ERC2: variants seen among roughly 807,000 people sequenced by gnomAD.
ERC2 encodes the protein ELKS/RAB6-interacting/CAST family member 2, also known as ERC protein 2.
In ERC2, 42 loss-of-function variants were observed where a neutral mutation model predicts 114.8. The ratio of observed to expected loss-of-function variants is 0.37; its 90% CI spans 0.29 to 0.47. The LOEUF (loss-of-function observed/expected upper bound fraction) is 0.47. Ranked by LOEUF, ERC2 falls within the 20% of genes least tolerant of loss-of-function variation. The pLI is 0.99. For missense variants in ERC2, 939 were observed against 1,150.7 expected (o/e 0.82, Z 2.66); for synonymous variants, 454 against 425.5 (o/e 1.07, Z -0.82).
At chr3:55,711,515 T>C (rs2063777323) in intron 15 of ERC2, among the ~76,000 whole-genome samples, 1 of 152,226 alleles carries the variant, frequency 6.6e-6, no homozygotes, top group Non-Finnish European at 1.5e-5. Flanking sequence ...TCATCATTAA[T>C]GGTTGCATGT....
chr3:55,772,415 T>G (rs78088283), intron 14 of ERC2, among the ~76,000 whole-genome samples: 1 of 151,540 alleles, frequency 6.6e-6, no homozygotes, highest in Non-Finnish European at 1.5e-5. Context: ...CCCGGGTTCA[T>G]GCCATTCTCC....
chr3:55,550,388 A>G (rs183145483), intron 17 of ERC2, among the ~76,000 whole-genome samples: 16 of 152,312 alleles, frequency 1.1e-4, no homozygotes, highest in Admixed American at 9.2e-4. Flanking sequence ...GCTTGAGGGC[A>G]GGGCAATCAG....
At chr3:56,440,425 G>A (rs1209683145) in intron 1 of ERC2, among the ~76,000 whole-genome samples, 4 of 152,036 alleles carry the variant, frequency 2.6e-5, no homozygotes, top group Non-Finnish European at 5.9e-5. Flanking sequence ...GTGGGCGCAT[G>A]TAGTCCCAGC....
intron 2 of ERC2, among the ~76,000 whole-genome samples, chr3:56,413,605 A>G (rs2061027983): frequency 6.6e-6 from 1 of 152,178 alleles, no homozygotes; most frequent in African/African-American, 2.4e-5. Context: ...TGGGGAGAGG[A>G]AAAAGAACAG....
chr3:56,430,847 A>T (rs1178012344), intron 2 of ERC2, among the ~76,000 whole-genome samples: 1 of 152,040 alleles, frequency 6.6e-6, no homozygotes, highest in East Asian at 1.9e-4. Flanking sequence ...AAAACTAGTC[A>T]TTTTTTCATC....
intron 14 of ERC2, among the ~76,000 whole-genome samples, chr3:55,884,030 A>T (rs1246874821): frequency 6.6e-6 from 1 of 152,228 alleles, no homozygotes; most frequent in African/African-American, 2.4e-5. Flanking sequence ...TCCTCATGTG[A>T]TGTTGTACTT....
Position 56,093,894 on chromosome 3 carries a change from G to A in ERC2, c.1474-12910C>T, listed in dbSNP as rs189833195. On this transcript the variant is annotated intron_variant, in intron 6 of 17. Transcript: ENST00000288221. ...AGTATTTGTTCTTTGAAACTTTTCTGAGTGTTGTGCAAAAGTTAAGTAGGG... is the reference window on the plus strand; with the variant it reads ...AGTATTTGTTCTTTGAAACTTTTCTAAGTGTTGTGCAAAAGTTAAGTAGGG... 7.9e-5 allele frequency among the ~76,000 whole-genome samples: 12 copies of A among 152,260 alleles called. No homozygotes were observed. The East Asian group carries it at 1.7e-3, about 22-fold the overall frequency.
chr3:55,729,235 C>G (rs1380603740), intron 15 of ERC2, among the ~76,000 whole-genome samples: 6 of 152,216 alleles, frequency 3.9e-5, no homozygotes, highest in African/African-American at 7.2e-5. Flanking sequence ...CTTGCTCACT[C>G]TACGCCAGCC....
At chr3:55,578,640 T>A (rs1375227480) in intron 17 of ERC2, among the ~76,000 whole-genome samples, 1 of 152,230 alleles carries the variant, frequency 6.6e-6, no homozygotes, top group Admixed American at 6.5e-5. Flanking sequence ...GTGTAACAAA[T>A]CACCTCAAAT....
intron 3 of ERC2, among the ~76,000 whole-genome samples, chr3:56,213,178 G>A (rs143947005): frequency 5.3e-5 from 8 of 152,268 alleles, no homozygotes; most frequent in African/African-American, 1.2e-4. Flanking sequence ...GCAGGACAGT[G>A]GGTGCGGTGC....
intron 17 of ERC2, among the ~76,000 whole-genome samples, chr3:55,531,219 G>C (rs1216705482): frequency 1.3e-5 from 2 of 152,108 alleles, no homozygotes; most frequent in East Asian, 3.9e-4. Flanking sequence ...TTGACTTGCT[G>C]GCTAGGATGT....
At chr3:56,219,597 G>C (rs958091829) in intron 3 of ERC2, among the ~76,000 whole-genome samples, 2 of 149,350 alleles carry the variant, frequency 1.3e-5, no homozygotes, top group African/African-American at 2.5e-5. Context: ...GAAAAAGAGA[G>C]TACTGAGAGG....
intron 2 of ERC2, among the ~76,000 whole-genome samples, chr3:56,317,646 A>G (rs2034625): frequency 0.089 from 13,591 of 152,270 alleles, 1,048 homozygotes; most frequent in African/African-American, 0.2. Context: ...CTCAAAAAAT[A>G]TTTATTGAAC....
chr3:56,383,401 C>T (rs2059824011), intron 2 of ERC2, among the ~76,000 whole-genome samples: 1 of 152,202 alleles, frequency 6.6e-6, no homozygotes, highest in African/African-American at 2.4e-5. Flanking sequence ...CACCATCTCA[C>T]ATCCCACATA....
chr3:56,316,799 A>T (rs2056884320), intron 2 of ERC2, among the ~76,000 whole-genome samples: 1 of 152,166 alleles, frequency 6.6e-6, no homozygotes, highest in African/African-American at 2.4e-5. Flanking sequence ...TTTCAAAAAG[A>T]AACATTTTTA....
intron 17 of ERC2, among the ~76,000 whole-genome samples, chr3:55,583,389 T>C (rs1161346768): frequency 7.8e-6 from 1 of 128,266 alleles, no homozygotes; most frequent in African/African-American, 4.2e-5. Context: ...CTTCTTTCTT[T>C]CCTTCCTTCT....
chr3:55,970,149 C>T (rs900904032), intron 12 of ERC2, among the ~76,000 whole-genome samples: 4 of 151,998 alleles, frequency 2.6e-5, no homozygotes, highest in African/African-American at 7.2e-5. Context: ...CCTCATTGAA[C>T]CATCAAAAAA....
intron 1 of ERC2, among the ~76,000 whole-genome samples, chr3:56,458,984 T>G (rs1206945693): frequency 6.6e-6 from 1 of 152,084 alleles, no homozygotes; most frequent in Non-Finnish European, 1.5e-5. Context: ...AAGAAAGACA[T>G]CTTGGTAGAA....
chr3:56,035,600 G>A (rs571102005), intron 7 of ERC2, among the ~76,000 whole-genome samples: 1 of 152,178 alleles, frequency 6.6e-6, no homozygotes, highest in African/African-American at 2.4e-5. Context: ...AAAAGGGCTT[G>A]ACAGAGGGAG....
Sources: gnomAD v4.1 joint callset for allele counts (sites outside exome capture counted in the v4.1 genomes callset) on GRCh38, gnomAD v4.1.1 for gene constraint, MANE v1.5 for transcripts, NCBI Gene and HGNC (gene_info 2026-07-23, HGNC 2026-07-21) for gene names.